The following NPY4R variants were observed in gnomAD, a reference collection of about 807,000 sequenced individuals.
NPY4R encodes the protein neuropeptide Y receptor type 4.
NPY4R carries 2 observed loss-of-function variants against 11.9 expected under a neutral mutation model. That is an observed-to-expected ratio of 0.17 (90% CI 0.07 to 0.53). NPY4R has a LOEUF of 0.53. Among genes scored for constraint, NPY4R ranks in the 20% least tolerant of loss-of-function variants. The probability of loss-of-function intolerance (pLI) is 0.94; values close to 1 mark genes in which losing one functional copy is unlikely to be tolerated. For synonymous variants in NPY4R, 8 were observed against 121.7 expected, an observed-to-expected ratio of 0.07 and a Z score of 6.15; for missense variants, 26 against 280.2, an observed-to-expected ratio of 0.09 and a Z score of 6.48.
At chr10:46,464,356 G>A (rs1410409849) in intron 1 of NPY4R, among the ~76,000 whole-genome samples, 2 of 101,456 alleles carry the variant, frequency 2.0e-5, no homozygotes, top group Non-Finnish European at 4.4e-5. Context: ...GCAACAGAGC[G>A]AGACTCTGTC....
At chr10:46,468,372 A>C (rs1421865079), upstream of NPY4R, among the ~76,000 whole-genome samples, 1 of 144,026 alleles carries the variant, frequency 6.9e-6, no homozygotes, top group Non-Finnish European at 1.5e-5. Flanking sequence ...AGTCTGTAAG[A>C]AAGAACTGGG....
chr10:46,466,188 T>C (rs1588926347), upstream of NPY4R, among the ~76,000 whole-genome samples: 1 of 10,528 alleles, frequency 9.5e-5, no homozygotes, highest in Non-Finnish European at 2.1e-4. Flanking sequence ...TCTCTCTTTC[T>C]TTCTTTCTTT....
At chr10:46,466,282 TTCTCTCTCTCTCTCTC>T (rs1160755760), upstream of NPY4R, among the ~76,000 whole-genome samples, 3 of 63,742 alleles carry the variant, frequency 4.7e-5, no homozygotes, top group East Asian at 2.7e-4. Context: ...CTTTCTTTCT[TTCTCTCTCTCTCTCTC>T]TCTCCCTCCC....
chr10:46,466,191 CTTTCTTTCTT>C (rs1841020200), upstream of NPY4R, among the ~76,000 whole-genome samples: 1 of 19,886 alleles, frequency 5.0e-5, no homozygotes, highest in Non-Finnish European at 1.0e-4. Flanking sequence ...CTCTTTCTTT[CTTTCTTTCTT>C]TCTTTCTTTC....
At chr10:46,466,251 CTT>C (rs1304678813), upstream of NPY4R, among the ~76,000 whole-genome samples, 9 of 68,440 alleles carry the variant, frequency 1.3e-4, no homozygotes, top group African/African-American at 7.4e-4. Context: ...TTCTTTCTTT[CTT>C]TCTTTCTTTC....
At chr10:46,468,611 CG>C (rs1275966620), upstream of NPY4R, among the ~76,000 whole-genome samples, 5 of 65,250 alleles carry the variant, frequency 7.7e-5, no homozygotes, top group African/African-American at 4.0e-4. Context: ...ATGAATCACC[CG>C]GAAGTCAGAC....
chr10:46,467,327 AC>A (rs1280081460), upstream of NPY4R, among the ~76,000 whole-genome samples: 1 of 106,102 alleles, frequency 9.4e-6, no homozygotes, highest in Non-Finnish European at 2.0e-5. Context: ...ATGCGAACCC[AC>A]CTGCCAAGCC....
At chr10:46,466,247 CTTTCTTTCTTTCTTTCCTT>C (rs1841035101), upstream of NPY4R, among the ~76,000 whole-genome samples, 2 of 68,832 alleles carry the variant, frequency 2.9e-5, no homozygotes, top group Non-Finnish European at 5.6e-5. Flanking sequence ...TTCTTTCTTT[CTTTCTTTCTTTCTTTCCTT>C]TCTTTCTTTC....
chr10:46,466,179 CTCTCTTTCTTTCTTTCTT>C (rs1841015272), upstream of NPY4R, among the ~76,000 whole-genome samples: 6 of 20,626 alleles, frequency 2.9e-4, no homozygotes, highest in Admixed American at 5.9e-4. Context: ...CGCTGTCTTT[CTCTCTTTCTTTCTTTCTT>C]TCTTTCTTTC....
At chr10:46,466,270 TTCTTTCTTTCTTTCTCTC>T (rs1841045058), upstream of NPY4R, among the ~76,000 whole-genome samples, 4 of 83,980 alleles carry the variant, frequency 4.8e-5, 1 homozygote, top group African/African-American at 2.1e-4. Context: ...TTTCCTTTCT[TTCTTTCTTTCTTTCTCTC>T]TCTCTCTCTC....
chr10:46,464,569 AT>A, intron 1 of NPY4R, among the ~76,000 whole-genome samples: 1 of 64,154 alleles, frequency 1.6e-5, no homozygotes, highest in African/African-American at 6.8e-5. Flanking sequence ...AGGGCCCAAT[AT>A]AAGATAAAGA....
At chr10:46,466,229 T>TTCTTTCTTTCTTTCTTTC (rs1841027468), upstream of NPY4R, among the ~76,000 whole-genome samples, 1 of 64,538 alleles carries the variant, frequency 1.5e-5, no homozygotes, top group African/African-American at 9.5e-5. Context: ...CTTTCTTTCT[T>TTCTTTCTTTCTTTCTTTC]TCTTTCTTTC....
rs1395365228 is a variant in NPY4R, at chr10:46,461,233, CA to C, written c.*274del. 1 of 115,740 alleles carries C rather than the reference CA, an allele frequency of 8.6e-6. No individual in the cohort carries two copies. Among genetic ancestry groups the C allele is most frequent in the African/African-American group, 3.3e-5 (1 of 29,890 alleles). 7.2% of individuals were successfully genotyped at this position (115,740 alleles called of 1,614,324 possible). ...CACCAGAATGAACCCTGCCTGCTGC[CA>C]GCAGACATCTCCGGCTCTGGCATCT... On this transcript the variant is annotated 3_prime_UTR_variant, in exon 3 of 3. Coordinates refer to ENST00000374312, the MANE Select transcript of NPY4R (RefSeq NM_005972.6).
chr10:46,466,181 C>CTTTCTT (rs1554991156), upstream of NPY4R, among the ~76,000 whole-genome samples: 2 of 22,302 alleles, frequency 9.0e-5, no homozygotes, highest in African/African-American at 1.8e-4. Flanking sequence ...CTGTCTTTCT[C>CTTTCTT]TCTTTCTTTC....
upstream of NPY4R, among the ~76,000 whole-genome samples, chr10:46,466,231 C>CTTT (rs1325785573): frequency 1.5e-5 from 1 of 68,360 alleles, no homozygotes; most frequent in East Asian, 2.3e-4. Flanking sequence ...TTCTTTCTTT[C>CTTT]TTTCTTTCTT....
upstream of NPY4R, among the ~76,000 whole-genome samples, chr10:46,466,257 TTCTTTCCTTTC>T: frequency 1.6e-5 from 1 of 63,716 alleles, no homozygotes; most frequent in African/African-American, 9.5e-5. Context: ...CTTTCTTTCT[TTCTTTCCTTTC>T]TTTCTTTCTT....
upstream of NPY4R, among the ~76,000 whole-genome samples, chr10:46,466,261 TTCCTTTCTTTCTTTCTTTCTTTCTCTCTC>T (rs1565142587): frequency 0.029 from 1,790 of 61,894 alleles, 193 homozygotes; most frequent in African/African-American, 0.1. Context: ...CTTTCTTTCT[TTCCTTTCTTTCTTTCTTTCTTTCTCTCTC>T]TCTCTCTCTC....
chr10:46,466,260 TTTCCTTTC>T (rs1841041374), upstream of NPY4R, among the ~76,000 whole-genome samples: 1 of 66,024 alleles, frequency 1.5e-5, no homozygotes, highest in African/African-American at 8.4e-5. Context: ...TCTTTCTTTC[TTTCCTTTC>T]TTTCTTTCTT....
chr10:46,462,476 C>T lies in NPY4R; in HGVS notation c.160G>A (p.Val54Met), dbSNP rs151218939. The T allele has an allele frequency of 6.4e-4, 1,033 of 1,613,564 alleles. No individual in the cohort carries two copies. Among genetic ancestry groups the T allele is most frequent in the Non-Finnish European group, 8.2e-4 (963 of 1,179,520 alleles). Residue 54 changes from valine (V) to methionine (M), a missense_variant, in exon 3 of 3, where the codon GTG becomes ATG. Coordinates refer to ENST00000374312, the MANE Select transcript of NPY4R (RefSeq NM_005972.6). ...IVTSYSIETV[V>M]GVLGNLCLMC... The stretch of plus-strand genomic sequence containing the variant: ...AGGCAGAGGTTACCCAGGACCCCCA[C>T]GACAGTCTCAATGCTGTAGGAAGTG...
Sources: allele counts gnomAD v4.1 joint callset (sites outside exome capture counted in the v4.1 genomes callset), GRCh38; gene constraint gnomAD v4.1.1; transcripts MANE v1.5; gene names NCBI Gene and HGNC (gene_info 2026-07-23, HGNC 2026-07-21).